The following KIAA0586 variants were observed in gnomAD, a reference collection of about 807,000 sequenced individuals.
KIAA0586 encodes the protein protein TALPID3.
In KIAA0586, 144 loss-of-function variants were observed where a neutral mutation model predicts 169.8. The observed-to-expected ratio is 0.85, with a 90% confidence interval of 0.74 to 0.97. The LOEUF (loss-of-function observed/expected upper bound fraction) is 0.97. Ranked by LOEUF, KIAA0586 falls within the 50% of genes least tolerant of loss-of-function variation. KIAA0586 has a pLI of 0.00. For synonymous variants in KIAA0586, 625 were observed against 612.4 expected (o/e 1.02, Z -0.30); for missense variants, 1,854 against 1,823.0 (o/e 1.02, Z -0.31).
Position 58,428,357 on chromosome 14 carries a change from T to TC in KIAA0586, c.94dup (p.His32ProfsTer8), listed in dbSNP as rs555421894. 1,002 of 1,613,896 alleles carry TC rather than the reference T, an allele frequency of 6.2e-4. 1 individual carries two copies. The highest frequency in any genetic ancestry group is 7.4e-4 in the Non-Finnish European group (873 of 1,179,850). The stretch of plus-strand genomic sequence containing the variant: ...AGGTAGTTTCTCAAAATCATGGAGA[T>TC]CATTTGGTTTTGCTGAAAGATGAGT... On this transcript the variant is annotated frameshift_variant, in exon 1 of 31. Transcript: ENST00000652326. LOFTEE classifies it high-confidence loss of function.
intron 29 of KIAA0586, among the ~76,000 whole-genome samples, chr14:58,532,365 G>A (rs560026926): frequency 1.4e-4 from 21 of 152,288 alleles, no homozygotes; most frequent in African/African-American, 4.3e-4. Context: ...TAATGGAACA[G>A]GAAAGGGTAT....
In KIAA0586 at chr14:58,477,148, A is replaced by G; in HGVS notation, c.2851A>G (p.Ile951Val). The G allele has an allele frequency of 6.4e-7, 1 of 1,573,748 alleles. No homozygotes were observed. Among genetic ancestry groups the G allele is most frequent in the Non-Finnish European group, 8.6e-7 (1 of 1,156,304 alleles). The change falls in exon 20 of 31, where the codon ATT becomes GTT. Residue 951 changes from isoleucine (I) to valine (V), a missense_variant. Transcript: ENST00000652326. ...GGTAGAGCAAGAAATAATGTCAAGA[A>G]TTATCTCTGGGCTCTTTCCAGTCCA... ...QWVEQEIMSR[I>V]ISGLFPVQQQ... is the part of the protein sequence containing the mutation.
chr14:58,465,846 A>T lies in KIAA0586; in HGVS notation c.2071A>T (p.Lys691Ter). The T allele has an allele frequency of 6.3e-7, 1 of 1,599,616 alleles. No individual in the cohort carries two copies. Among genetic ancestry groups the T allele is most frequent in the Non-Finnish European group, 8.5e-7 (1 of 1,171,606 alleles). ...VIERVKGTKV[K>*]SIRTQTDFYA... ...GGTGATTATTATAGGCACTAAGGTA[A>T]AGTCAATAAGAACACAGACTGACTT... The change falls in exon 15 of 31, where the codon AAG becomes TAG. Residue 691 changes from lysine (K) to a stop codon, truncating the protein, a stop_gained. Transcript: ENST00000652326. LOFTEE classifies it high-confidence loss of function.
rs1245858530 is a variant in KIAA0586 at position 58,457,805 on chromosome 14, A to G, written c.1409A>G (p.Asn470Ser). Residue 470 changes from asparagine to serine, a missense_variant, in exon 11 of 31, where the codon AAT (asparagine) becomes AGT (serine). Transcript: ENST00000652326. ...SMLKLPDLPQ[N>S]SVKLQTTNTT... ...TTGAAGCTTCCAGATCTTCCACAGA[A>G]TTCTGTTAAGCTTCAAACAACCAAT... 1 of 1,607,766 alleles carries G rather than the reference A, an allele frequency of 6.2e-7. No individual in the cohort carries two copies. The highest frequency in any genetic ancestry group is 1.1e-5 in the South Asian group (1 of 89,942).
At chr14:58,547,014 C>A (rs1386179074) in intron 30 of KIAA0586, among the ~76,000 whole-genome samples, 2 of 152,062 alleles carry the variant, frequency 1.3e-5, no homozygotes, top group Non-Finnish European at 2.9e-5. Context: ...TAGCATAGCA[C>A]CCTTAGGCAC....
chr14:58,518,626 G>A (rs1013332497), intron 29 of KIAA0586, among the ~76,000 whole-genome samples: 6 of 152,140 alleles, frequency 3.9e-5, no homozygotes, highest in Non-Finnish European at 7.4e-5. Flanking sequence ...CACACTCTAC[G>A]CTACTAAGCT....
At position 58,512,517 on chromosome 14, in the gene KIAA0586, T is replaced by C; in HGVS notation, c.4324-5T>C. ...TATTATGACTTCATATCTTAAATTA[T>C]TTAGTACCAACTAAAGCAAAATCAG... On this transcript the variant is annotated splice_polypyrimidine_tract_variant and splice_region_variant and intron_variant, in intron 28 of 30. Transcript: ENST00000652326. The C allele has an allele frequency of 6.9e-7, 1 of 1,449,974 alleles. No individual in the cohort carries two copies. The highest frequency in any genetic ancestry group is 1.8e-4 in the Middle Eastern group (1 of 5,448). 89.8% of individuals were successfully genotyped at this position (1,449,974 alleles called of 1,614,324 possible).
intron 17 of KIAA0586, 133 bp from the exon 18 acceptor site, chr14:58,472,066 T>C (rs1182614347): frequency 6.0e-5 from 25 of 416,090 alleles, no homozygotes; most frequent in African/African-American, 1.5e-4. Context: ...AAATCAATTC[T>C]GAATAGGGTA....
chr14:58,453,488 T>C lies in KIAA0586; in HGVS notation c.1253+15T>C. 2.0e-6 allele frequency: 3 copies of C among 1,476,784 alleles called. No homozygotes were observed. Among genetic ancestry groups the C allele is most frequent in the Non-Finnish European group, 2.7e-6 (3 of 1,118,014 alleles). The allele number at this position is 1,476,784 out of a possible 1,614,324, so 91.5% of individuals were successfully genotyped here. A position where few individuals can be genotyped will look rare whatever the true frequency, so the allele number is the denominator to read the frequency against. On this transcript the variant is annotated intron_variant, in intron 9 of 30. Transcript: ENST00000652326. ...AAAACAAACAGGTAAAAACAAGAGA[T>C]TGGAATGAAAACTAGATTGAAAAGA...
intron 12 of KIAA0586, among the ~76,000 whole-genome samples, chr14:58,459,129 T>C (rs2140863388): frequency 6.6e-6 from 1 of 152,308 alleles, no homozygotes; most frequent in South Asian, 2.1e-4. Context: ...TATTTTGTCC[T>C]GGGGTGCAAG....
rs548575035 is a variant in KIAA0586, at chr14:58,509,438, A to G, written c.4323+729A>G. Among the ~76,000 whole-genome samples, 17 of 152,306 alleles carry G rather than the reference A, an allele frequency of 1.1e-4. No individual in the cohort carries two copies. The South Asian group carries it at 3.3e-3, about 30-fold the overall frequency. On this transcript the variant is annotated intron_variant, in intron 28 of 30. Transcript: ENST00000652326. ...GCTGAGGTAAGCCAATGGCCCATGC[A>G]ATCTTGTGTACTGAAAAAATAGGTT...
intron 16 of KIAA0586, among the ~76,000 whole-genome samples, chr14:58,469,689 G>T: frequency 6.6e-6 from 1 of 152,230 alleles, no homozygotes; most frequent in African/African-American, 2.4e-5. Context: ...TAAATATAAA[G>T]ATCTCTATAA....
At position 58,540,013 on chromosome 14, in the gene KIAA0586, A is replaced by C; in HGVS notation, c.4430-58A>C. 7.9e-6 allele frequency: 8 copies of C among 1,010,190 alleles called. 1 individual carries two copies. In the Middle Eastern group the frequency reaches 1.4e-3, roughly 173 times the overall value. The allele number at this position is 1,010,190 out of a possible 1,614,324, so 62.6% of individuals were successfully genotyped here. ...GTGTTCTTTTAGTGAATAGGAATGA[A>C]TCATGATTATTTCTATGCTTAACTG... is the stretch of plus-strand genomic sequence containing the variant. On this transcript the variant is annotated intron_variant, in intron 29 of 30. Coordinates refer to ENST00000652326, the MANE Select transcript of KIAA0586 (RefSeq NM_001329943.3).
the KIAA0586 span, among the ~76,000 whole-genome samples, chr14:58,557,755 C>T: frequency 6.6e-6 from 1 of 152,062 alleles, no homozygotes; most frequent in Non-Finnish European, 1.5e-5. Context: ...TGTCTTTCCT[C>T]TGTTTGGCAT....
intron 29 of KIAA0586, among the ~76,000 whole-genome samples, chr14:58,539,334 G>A (rs754545794): frequency 2.6e-5 from 4 of 152,008 alleles, no homozygotes; most frequent in Admixed American, 6.6e-5. Context: ...ATTATACAAC[G>A]TTCTAATTTT....
intron 21 of KIAA0586, among the ~76,000 whole-genome samples, chr14:58,484,896 A>ATATATATTTATATATATT (rs1397867264): frequency 1.6e-3 from 8 of 5,078 alleles, no homozygotes; most frequent in Admixed American, 4.5e-3. Flanking sequence ...ATATTTATAT[A>ATATATATTTATATATATT]TATATATATA....
intron 23 of KIAA0586, 33 bp downstream of exon 23, chr14:58,488,142 A>G (rs745753257): frequency 6.9e-7 from 1 of 1,454,244 alleles, no homozygotes; most frequent in South Asian, 1.2e-5. Flanking sequence ...GTAACTGTAC[A>G]TTTCAACTTA....
chr14:58,467,263 G>A (rs748119806), intron 15 of KIAA0586, among the ~76,000 whole-genome samples: 1 of 152,100 alleles, frequency 6.6e-6, no homozygotes, highest in Non-Finnish European at 1.5e-5. Context: ...TATACAAATT[G>A]TATAGCTAAG....
At chr14:58,482,060 C>T (rs895259632) in intron 20 of KIAA0586, among the ~76,000 whole-genome samples, 1 of 151,872 alleles carries the variant, frequency 6.6e-6, no homozygotes, top group Non-Finnish European at 1.5e-5. Flanking sequence ...GATCCACCAG[C>T]CTTGGCCTCC....
Sources: gnomAD v4.1 joint callset for allele counts (sites outside exome capture counted in the v4.1 genomes callset) on GRCh38, gnomAD v4.1.1 for gene constraint, MANE v1.5 for transcripts, NCBI Gene and HGNC (gene_info 2026-07-23, HGNC 2026-07-21) for gene names.